EYA1: variants seen among roughly 807,000 people sequenced by gnomAD.
The protein encoded by EYA1 is EYA transcriptional coactivator and phosphatase 1.
In EYA1, 16 loss-of-function variants were observed where a neutral mutation model predicts 82.0. The ratio of observed to expected loss-of-function variants is 0.20; its 90% CI spans 0.13 to 0.30. The LOEUF is 0.30. Among genes scored for constraint, EYA1 ranks in the 10% least tolerant of loss-of-function variants. The probability of loss-of-function intolerance (pLI) is 1.00; values close to 1 mark genes in which losing one functional copy is unlikely to be tolerated. For synonymous variants in EYA1, 261 were observed against 264.4 expected (o/e 0.99, Z 0.12); for missense variants, 633 against 730.7 (o/e 0.87, Z 1.54).
In EYA1 at chr8:71,317,783, T is replaced by C. The variant is rs1391866859; in HGVS notation, c.419-94A>G. The C allele has an allele frequency of 3.4e-6, 4 of 1,177,684 alleles. No individual in the cohort carries two copies. In the Admixed American group the frequency reaches 6.7e-5, roughly 20 times the overall value. 73.0% of individuals were successfully genotyped at this position (1,177,684 alleles called of 1,614,324 possible). ...ACTTCCACAACCGTTTAACTACAAA[T>C]GCTTCCCCAATCTTATCTCAAAAAT... On this transcript the variant is annotated intron_variant, in intron 6 of 17. Transcript: ENST00000340726.
At position 71,453,775 on chromosome 8, in the gene EYA1, A is replaced by C. The variant is rs1159881686; in HGVS notation, c.33+81969T>G. Among the ~76,000 whole-genome samples, 3 of 152,196 alleles carry C rather than the reference A, an allele frequency of 2.0e-5. No homozygotes were observed. In the East Asian group the frequency reaches 5.8e-4, roughly 29 times the overall value. ...TACAAGCGCTCCTGAAGGAAACACTAAACATGGAAAGGAACAACAGGTACG... is the reference window on the plus strand; with the variant it reads ...TACAAGCGCTCCTGAAGGAAACACTCAACATGGAAAGGAACAACAGGTACG... On this transcript the variant is annotated intron_variant, in intron 2 of 18. Coordinates refer to the EYA1 transcript ENST00000643681.
chr8:71,316,392 A>T (rs1318667145), intron 7 of EYA1, among the ~76,000 whole-genome samples: 1 of 152,206 alleles, frequency 6.6e-6, no homozygotes, highest in Non-Finnish European at 1.5e-5. Context: ...GGAATTAGTC[A>T]AGTAAGATAT....
intron 3 of EYA1, among the ~76,000 whole-genome samples, chr8:71,343,656 T>A (rs1310997003): frequency 6.6e-6 from 1 of 152,212 alleles, no homozygotes; most frequent in Non-Finnish European, 1.5e-5. Flanking sequence ...TTAGCCTTCA[T>A]AACTGTAAGA....
At chr8:71,379,612 G>A (rs1331009179) in intron 2 of EYA1, among the ~76,000 whole-genome samples, 2 of 152,162 alleles carry the variant, frequency 1.3e-5, no homozygotes, top group African/African-American at 4.8e-5. Flanking sequence ...CACCTGAATT[G>A]TACATGAATT....
At chr8:71,381,946 G>A (rs1478004603) in intron 2 of EYA1, among the ~76,000 whole-genome samples, 2 of 152,218 alleles carry the variant, frequency 1.3e-5, no homozygotes, top group African/African-American at 4.8e-5. Flanking sequence ...CCAGAGTAAT[G>A]TCTGTAATGC....
At chr8:71,309,423 T>A (rs1046172011) in intron 7 of EYA1, among the ~76,000 whole-genome samples, 1 of 149,852 alleles carries the variant, frequency 6.7e-6, no homozygotes, top group Non-Finnish European at 1.5e-5. Context: ...ATGAGAAGAG[T>A]GGCAAAGCAA....
At chr8:71,343,228 T>C (rs1459613505) in intron 3 of EYA1, among the ~76,000 whole-genome samples, 1 of 152,114 alleles carries the variant, frequency 6.6e-6, no homozygotes, top group Non-Finnish European at 1.5e-5. Context: ...CAGCTGGGCT[T>C]GAAGAAAATT....
At chr8:71,212,519 T>C (rs559287531) in intron 16 of EYA1, among the ~76,000 whole-genome samples, 1 of 152,304 alleles carries the variant, frequency 6.6e-6, no homozygotes, top group African/African-American at 2.4e-5. Context: ...GTAAATTCAA[T>C]GTAATTTAAA....
intron 2 of EYA1, among the ~76,000 whole-genome samples, chr8:71,384,581 A>C (rs1197007689): frequency 6.6e-6 from 1 of 152,224 alleles, no homozygotes; most frequent in Non-Finnish European, 1.5e-5. Flanking sequence ...CTAAAGCAGC[A>C]ACTATGTTCT....
chr8:71,535,183 T>G (rs13263568), intron 2 of EYA1, among the ~76,000 whole-genome samples: 10,952 of 152,286 alleles, frequency 0.072, 498 homozygotes, highest in South Asian at 0.13. Context: ...AAGGTAGCTT[T>G]CTTTCTTCCT....
At chr8:71,203,170 A>G (rs2128811078) in intron 17 of EYA1, among the ~76,000 whole-genome samples, 1 of 152,314 alleles carries the variant, frequency 6.6e-6, no homozygotes, top group East Asian at 1.9e-4. Context: ...ATTATGGCAC[A>G]GTCTGCCTGA....
At chr8:71,480,794 A>G (rs1224438754) in intron 2 of EYA1, among the ~76,000 whole-genome samples, 5 of 152,180 alleles carry the variant, frequency 3.3e-5, no homozygotes, top group African/African-American at 1.2e-4. Context: ...ACCTGTTTAG[A>G]ATATTCTAAA....
At chr8:71,541,305 C>CT in intron 1 of EYA1, among the ~76,000 whole-genome samples, 1 of 152,102 alleles carries the variant, frequency 6.6e-6, no homozygotes. Context: ...ACACCAATAC[C>CT]TTTTTATAGG....
At chr8:71,362,416 T>C (rs1827488177), upstream of EYA1, among the ~76,000 whole-genome samples, 1 of 152,038 alleles carries the variant, frequency 6.6e-6, no homozygotes, top group Admixed American at 6.6e-5. Flanking sequence ...TTAAGATCTT[T>C]GGGGAGTAGT....
rs79359169 is a variant in EYA1, at chr8:71,317,962, T to C, written c.419-273A>G. Among the ~76,000 whole-genome samples, 3,770 of 152,314 alleles carry C rather than the reference T, an allele frequency of 0.025. 168 individuals carry two copies. The highest frequency in any genetic ancestry group is 0.085 in the African/African-American group (3,542 of 41,544). On this transcript the variant is annotated intron_variant, in intron 6 of 17. Coordinates refer to ENST00000340726, the MANE Select transcript of EYA1 (RefSeq NM_000503.6). ...TCTATAAAATGTAACTCCAGTGATA[T>C]ATTTTCATACTTAATTTTGTTGTTT... is the stretch of plus-strand genomic sequence containing the variant.
intron 2 of EYA1, among the ~76,000 whole-genome samples, chr8:71,432,756 A>G (rs772268377): frequency 2.0e-5 from 3 of 152,148 alleles, no homozygotes; most frequent in Non-Finnish European, 4.4e-5. Flanking sequence ...CAATATATCA[A>G]TTTTGGGGGA....
At chr8:71,276,912 A>T (rs952043594) in intron 9 of EYA1, among the ~76,000 whole-genome samples, 1 of 152,140 alleles carries the variant, frequency 6.6e-6, no homozygotes, top group African/African-American at 2.4e-5. Flanking sequence ...GGGGTAAAAT[A>T]AAACTAACAT....
At chr8:71,477,104 A>T (rs1194083081) in intron 2 of EYA1, among the ~76,000 whole-genome samples, 1 of 152,172 alleles carries the variant, frequency 6.6e-6, no homozygotes, top group Non-Finnish European at 1.5e-5. Context: ...TAAATGCAAG[A>T]GTAGAACTGT....
chr8:71,438,933 C>T (rs1270598333), intron 2 of EYA1, among the ~76,000 whole-genome samples: 1 of 151,988 alleles, frequency 6.6e-6, no homozygotes, highest in Non-Finnish European at 1.5e-5. Flanking sequence ...GAGAAAAATC[C>T]TGAGATAAGA....
Sources: gnomAD v4.1 joint callset for allele counts (sites outside exome capture counted in the v4.1 genomes callset) on GRCh38, gnomAD v4.1.1 for gene constraint, MANE v1.5 for transcripts, NCBI Gene and HGNC (gene_info 2026-07-23, HGNC 2026-07-21) for gene names.